MEAK7: variants seen among roughly 807,000 people sequenced by gnomAD.
MEAK7 encodes MTOR-associated protein MEAK7.
MEAK7 carries 68 observed loss-of-function variants against 40.5 expected under a neutral mutation model. That is an observed-to-expected ratio of 1.68 (90% confidence interval 1.38 to 2.06). MEAK7 has a LOEUF of 2.06. Ranked by LOEUF, MEAK7 falls within the 30% of genes most tolerant of loss-of-function variation. The pLI, the probability that MEAK7 is intolerant of heterozygous loss-of-function variation, is 0.00. For synonymous variants in MEAK7, 338 were observed against 231.9 expected (o/e 1.46, Z -4.16); for missense variants, 918 against 580.5 (o/e 1.58, Z -5.98).
intron 1 of MEAK7, among the ~76,000 whole-genome samples, chr16:84,499,020 A>C (rs758125546): frequency 6.6e-6 from 1 of 152,100 alleles, no homozygotes; most frequent in Non-Finnish European, 1.5e-5. Flanking sequence ...AAGTCAACCA[A>C]AGCAAAGGGC....
intron 1 of MEAK7, among the ~76,000 whole-genome samples, chr16:84,500,285 T>A (rs567240544): frequency 5.6e-4 from 85 of 152,316 alleles, no homozygotes; most frequent in African/African-American, 1.9e-3. Context: ...TCTGAGTACC[T>A]GAGTCCCCCT....
chr16:84,493,113 C>T (rs1913762742), intron 3 of MEAK7, among the ~76,000 whole-genome samples: 1 of 152,082 alleles, frequency 6.6e-6, no homozygotes, highest in Admixed American at 6.6e-5. Flanking sequence ...GTATGTGTTC[C>T]AAAATTCTAT....
At chr16:84,480,172 G>A (rs1484780307) in intron 7 of MEAK7, 146 bp from the exon 8 acceptor site, 9 of 650,986 alleles carry the variant, frequency 1.4e-5, no homozygotes, top group Non-Finnish European at 2.0e-5. Context: ...GTGGCTGGGT[G>A]GGTAGGAGGT....
intron 3 of MEAK7, among the ~76,000 whole-genome samples, chr16:84,490,993 G>C (rs886564899): frequency 2.0e-5 from 3 of 151,848 alleles, no homozygotes; most frequent in Non-Finnish European, 4.4e-5. Flanking sequence ...TTTCTACTGT[G>C]TTACCTGATT....
intron 2 of MEAK7, among the ~76,000 whole-genome samples, chr16:84,496,457 G>A (rs9935914): frequency 0.037 from 5,671 of 152,046 alleles, 388 homozygotes; most frequent in African/African-American, 0.13. Context: ...TCTTCCTTCC[G>A]CCTTCTCCTT....
At chr16:84,485,681 T>C (rs573152356) in intron 5 of MEAK7, among the ~76,000 whole-genome samples, 1,466 of 104,050 alleles carry the variant, frequency 0.014, 13 homozygotes, top group African/African-American at 0.023. Context: ...TACCTATCTA[T>C]CTATCTATCT....
In MEAK7 at chr16:84,490,280, G is replaced by GAAA. The variant is rs57264146; in HGVS notation, c.385-861_385-859dup. ...ATTGGCTAAATTCCCATAGCTGGGG[G>GAAA]AAAAAAAAAAAAAAGAAGGAAAGAG... On this transcript the variant is annotated intron_variant, in intron 3 of 7. Transcript: ENST00000343629. Among the ~76,000 whole-genome samples the GAAA allele has an allele frequency of 1.1e-4, 16 of 141,164 alleles. No homozygotes were observed. The Admixed American group carries it at 1.1e-3, about 10-fold the overall frequency. The allele number at this position is 141,164 out of a possible 152,430, so 92.6% of individuals were successfully genotyped here. A position where few individuals can be genotyped will look rare whatever the true frequency, so the allele number is the denominator to read the frequency against.
chr16:84,504,559 C>A lies in MEAK7; in HGVS notation c.-26+42G>T, dbSNP rs1914746176. ...GTCCCCCGACTCAGCTGGGCCTGCG[C>A]CTCTGGGTCAGCTCACTGCGAACCT... is the stretch of plus-strand genomic sequence containing the variant. On this transcript the variant is annotated intron_variant, in intron 1 of 7. Transcript: ENST00000343629. 10 of 981,440 alleles carry A rather than the reference C, an allele frequency of 1.0e-5. No homozygotes were observed. In the South Asian group the frequency reaches 4.7e-4, roughly 46 times the overall value. 60.8% of individuals were successfully genotyped at this position (981,440 alleles called of 1,614,324 possible). A position where few individuals can be genotyped will look rare whatever the true frequency, so the allele number is the denominator to read the frequency against.
intron 1 of MEAK7, among the ~76,000 whole-genome samples, chr16:84,503,488 T>C (rs1011643429): frequency 6.6e-6 from 1 of 152,198 alleles, no homozygotes; most frequent in African/African-American, 2.4e-5. Context: ...ATCTCTCTCC[T>C]TTACTACAAA....
At chr16:84,484,318 A>G (rs1912845745) in intron 5 of MEAK7, among the ~76,000 whole-genome samples, 1 of 152,176 alleles carries the variant, frequency 6.6e-6, no homozygotes. Flanking sequence ...TCATTCCCAT[A>G]AAACAATACC....
Position 84,486,701 on chromosome 16 carries a change from G to A in MEAK7, c.888C>T (p.Leu296=), listed in dbSNP as rs143458469. The A allele has an allele frequency of 3.2e-5, 51 of 1,614,024 alleles. No homozygotes were observed. The highest frequency in any genetic ancestry group is 1.9e-4 in the African/African-American group (14 of 75,038). The change falls in exon 5 of 8, where the codon CTC becomes CTT. Residue 296 remains leucine (L), a synonymous_variant. Transcript: ENST00000343629. The part of the protein sequence containing the change: ...ITHRGPCVAV[L]EDHDKHVFGG... ...CGAACACATGCTTGTCATGGTCCTCGAGGACAGCCACACAGGGTCCCCGGT... is the reference window on the plus strand; with the variant it reads ...CGAACACATGCTTGTCATGGTCCTCAAGGACAGCCACACAGGGTCCCCGGT...
At chr16:84,484,047 C>T (rs1275152880) in intron 5 of MEAK7, among the ~76,000 whole-genome samples, 2 of 152,204 alleles carry the variant, frequency 1.3e-5, no homozygotes, top group African/African-American at 4.8e-5. Context: ...ACTGCCCCCG[C>T]CCCGCTCTCC....
In MEAK7 at chr16:84,495,926, A is replaced by T. The variant is rs780008083; in HGVS notation, c.154-13T>A. The T allele has an allele frequency of 1.9e-6, 3 of 1,613,306 alleles. No individual in the cohort carries two copies. The highest frequency in any genetic ancestry group is 2.5e-6 in the Non-Finnish European group (3 of 1,179,818). On this transcript the variant is annotated splice_polypyrimidine_tract_variant and intron_variant, in intron 2 of 7. Coordinates refer to ENST00000343629, the MANE Select transcript of MEAK7 (RefSeq NM_020947.4). ...CCCCGACGTGGTTCTGCCGGGGACA[A>T]GCAGAAAAATATGGTTAGACAGTGC...
intron 5 of MEAK7, among the ~76,000 whole-genome samples, chr16:84,485,643 C>T (rs424895): frequency 6.1e-4 from 60 of 98,818 alleles, no homozygotes; most frequent in African/African-American, 1.5e-3. Context: ...TCTATCTATC[C>T]ATCCATCCAT....
chr16:84,493,923 A>G (rs1327980321), intron 3 of MEAK7, among the ~76,000 whole-genome samples: 33 of 152,196 alleles, frequency 2.2e-4, no homozygotes, highest in Non-Finnish European at 1.5e-5. Context: ...ACAGGCCCAA[A>G]TACTCCAAGT....
At chr16:84,483,843 C>T (rs563173767) in intron 5 of MEAK7, among the ~76,000 whole-genome samples, 27 of 152,196 alleles carry the variant, frequency 1.8e-4, no homozygotes, top group Non-Finnish European at 3.1e-4. Flanking sequence ...GGGACAGGTA[C>T]GGAACAGTGG....
chr16:84,480,556 C>T lies in MEAK7; in HGVS notation c.1230G>A (p.Ala410=), dbSNP rs776161259. ...ACTGCTCCTCTGAGGGGTCTCCAACCGCCCACACCTCCATCTTATCAAACT... is the reference window on the plus strand; with the variant it reads ...ACTGCTCCTCTGAGGGGTCTCCAACTGCCCACACCTCCATCTTATCAAACT... ...NFQFDKMEVW[A]VGDPSEEQLA... is the part of the protein sequence containing the mutation. The change falls in exon 7 of 8, where the codon GCG becomes GCA. Residue 410 remains alanine (A), a synonymous_variant. Transcript: ENST00000343629. 40 of 1,612,674 alleles carry T rather than the reference C, an allele frequency of 2.5e-5. No homozygotes were observed. Among genetic ancestry groups the T allele is most frequent in the East Asian group, 1.6e-4 (7 of 44,866 alleles).
chr16:84,480,683 A>G lies in MEAK7; in HGVS notation c.1103T>C (p.Phe368Ser). The change falls in exon 7 of 8, where the codon TTT (phenylalanine) becomes TCT (serine). Residue 368 changes from phenylalanine (F) to serine (S), a missense_variant. Coordinates refer to ENST00000343629, the MANE Select transcript of MEAK7 (RefSeq NM_020947.4). ...GLGMGGQHNY[F>S]GLWVDVDFGK... is the part of the protein sequence containing the mutation. ...AAAATCAACATCCACCCAAAGCCCA[A>G]AGTAATTGTGCTGCCCCCCCATACC... The G allele has an allele frequency of 6.2e-7, 1 of 1,613,662 alleles. No individual in the cohort carries two copies. Among genetic ancestry groups the G allele is most frequent in the African/African-American group, 1.3e-5 (1 of 75,014 alleles).
At chr16:84,487,521 G>GAT in intron 4 of MEAK7, 3 of 158,208 alleles carry the variant, frequency 1.9e-5, no homozygotes, top group South Asian at 1.9e-4. Flanking sequence ...AAATGCCTGA[G>GAT]CTACACCTGG....
Sources: allele counts gnomAD v4.1 joint callset (sites outside exome capture counted in the v4.1 genomes callset), GRCh38; gene constraint gnomAD v4.1.1; transcripts MANE v1.5; gene names NCBI Gene and HGNC (gene_info 2026-07-23, HGNC 2026-07-21).